Variants in POLR3H observed in about 807,000 individuals in gnomAD.
POLR3H encodes the protein RNA polymerase III subunit H.
Under a neutral mutation model 25.5 loss-of-function variants are expected in POLR3H, and 17 were observed. That is an observed-to-expected ratio of 0.67 (90% CI 0.46 to 1.00). POLR3H has a LOEUF of 1.00. Among genes scored for constraint, POLR3H ranks in the 50% least tolerant of loss-of-function variants. The pLI, the probability that POLR3H is intolerant of heterozygous loss-of-function variation, is 0.00. For missense variants in POLR3H, 274 were observed against 265.0 expected (o/e 1.03, Z -0.24); for synonymous variants, 129 against 103.0 (o/e 1.25, Z -1.53).
At chr22:41,531,011 G>A (rs768205955) in intron 4 of POLR3H, 123 bp from the exon 5 acceptor site, 123 of 920,622 alleles carry the variant, frequency 1.3e-4, no homozygotes, top group Admixed American at 1.9e-4. Context: ...GGAAGTCACA[G>A]GAAAAGCAGG....
chr22:41,540,318 C>A (rs912019064), intron 2 of POLR3H: 11 of 355,742 alleles, frequency 3.1e-5, no homozygotes, highest in Non-Finnish European at 5.5e-5. Flanking sequence ...GCTGAAGAGG[C>A]CTTGAAAACC....
rs1041737152 is a variant in POLR3H, at chr22:41,532,242, G to C, written c.296-85C>G. The C allele has an allele frequency of 2.2e-6, 3 of 1,371,508 alleles. No individual in the cohort carries two copies. In the African/African-American group the frequency reaches 4.3e-5, roughly 20 times the overall value. The allele number at this position is 1,371,508 out of a possible 1,614,324, so 85.0% of individuals were successfully genotyped here. A position where few individuals can be genotyped will look rare whatever the true frequency, so the allele number is the denominator to read the frequency against. ...GCGGGGTCTTATGCTTGACAGGCAA[G>C]CCCTGCCTGGGGCTGCCCACGAGGC... On this transcript the variant is annotated intron_variant, in intron 3 of 5. Coordinates refer to ENST00000355209, the MANE Select transcript of POLR3H (RefSeq NM_001018050.4).
chr22:41,527,264 A>G lies in POLR3H; in HGVS notation c.*2019T>C. The G allele has an allele frequency of 2.5e-6, 4 of 1,613,884 alleles. No homozygotes were observed. The highest frequency in any genetic ancestry group is 1.3e-5 in the African/African-American group (1 of 74,972). ...GGACGGTGCCCTCCTCTGCCTTATA[A>G]CCTTACCCCCGCTTGCCTGACAGAA... is the stretch of plus-strand genomic sequence containing the variant. On this transcript the variant is annotated 3_prime_UTR_variant, in exon 6 of 6. Transcript: ENST00000355209.
chr22:41,526,551 G>T lies in POLR3H; in HGVS notation c.*2732C>A, dbSNP rs1041205876. On this transcript the variant is annotated 3_prime_UTR_variant, in exon 6 of 6. Coordinates refer to ENST00000355209, the MANE Select transcript of POLR3H (RefSeq NM_001018050.4). ...CATTAGGGGAGTGGAAACTGGGAAG[G>T]AGGCCGACCAAGCCCAAAGGGGACT... 1 of 1,387,690 alleles carries T rather than the reference G, an allele frequency of 7.2e-7. No homozygotes were observed. 86.0% of individuals were successfully genotyped at this position (1,387,690 alleles called of 1,614,324 possible). A position where few individuals can be genotyped will look rare whatever the true frequency, so the allele number is the denominator to read the frequency against.
At chr22:41,532,218 C>T (rs2066749632) in intron 3 of POLR3H, 61 bp from the exon 4 acceptor site, 7 of 1,527,264 alleles carry the variant, frequency 4.6e-6, no homozygotes, top group South Asian at 3.4e-5. Flanking sequence ...CCAAACACTG[C>T]GGGGTCTTAT....
Position 41,526,567 on chromosome 22 carries a change from A to T in POLR3H, c.*2716T>A. ...ACTGGGAAGGAGGCCGACCAAGCCC[A>T]AAGGGGACTGCTGTGGAAGGGAGGA... On this transcript the variant is annotated 3_prime_UTR_variant, in exon 6 of 6. Coordinates refer to ENST00000355209, the MANE Select transcript of POLR3H (RefSeq NM_001018050.4). The T allele has an allele frequency of 8.2e-7, 1 of 1,213,652 alleles. No individual in the cohort carries two copies. The highest frequency in any genetic ancestry group is 1.5e-5 in the South Asian group (1 of 65,538). 75.2% of individuals were successfully genotyped at this position (1,213,652 alleles called of 1,614,324 possible).
At position 41,527,270 on chromosome 22, in the gene POLR3H, C is replaced by T. The variant is rs1569025389; in HGVS notation, c.*2013G>A. On this transcript the variant is annotated 3_prime_UTR_variant, in exon 6 of 6. Coordinates refer to ENST00000355209, the MANE Select transcript of POLR3H (RefSeq NM_001018050.4). ...TGCCCTCCTCTGCCTTATAACCTTACCCCCGCTTGCCTGACAGAAACATGG... is the reference window on the plus strand; with the variant it reads ...TGCCCTCCTCTGCCTTATAACCTTATCCCCGCTTGCCTGACAGAAACATGG... 10 of 1,614,130 alleles carry T rather than the reference C, an allele frequency of 6.2e-6. No individual in the cohort carries two copies. Among genetic ancestry groups the T allele is most frequent in the Non-Finnish European group, 7.6e-6 (9 of 1,179,998 alleles).
rs775246114 is a variant in POLR3H, at chr22:41,532,146, A to G, written c.307T>C (p.Phe103Leu). ...SPEGVHVSLG[F>L]FDDILIPPES... ...GGGGGGATGAGAATGTCATCGAAGA[A>G]GCCTAGAGAGACTGGAAGGAAGGAA... Residue 103 changes from phenylalanine to leucine, a missense_variant, in exon 4 of 6, where the codon TTC becomes CTC. Physicochemically the swap from Phe to Leu is conservative, Grantham distance 22. Transcript: ENST00000355209. 8 of 1,614,106 alleles carry G rather than the reference A, an allele frequency of 5.0e-6. No individual in the cohort carries two copies. The highest frequency in any genetic ancestry group is 6.8e-6 in the Non-Finnish European group (8 of 1,179,976).
chr22:41,533,415 G>A (rs2066782537), intron 2 of POLR3H: 1 of 920,938 alleles, frequency 1.1e-6, no homozygotes, highest in East Asian at 7.5e-5. Context: ...CCCCCTGCTG[G>A]TTACCAACAG....
rs934789793 is a variant in POLR3H, at chr22:41,527,635, G to C, written c.*1648C>G. The C allele has an allele frequency of 2.5e-6, 2 of 809,020 alleles. No individual in the cohort carries two copies. Among genetic ancestry groups the C allele is most frequent in the Non-Finnish European group, 3.8e-6 (2 of 527,276 alleles). 50.1% of individuals were successfully genotyped at this position (809,020 alleles called of 1,614,324 possible). A position where few individuals can be genotyped will look rare whatever the true frequency, so the allele number is the denominator to read the frequency against. ...GCCCTGCTTCCAGGCTTGTAGATCT[G>C]AGCCGCTGAGATCTAGGACATGTGC... is the stretch of plus-strand genomic sequence containing the variant. On this transcript the variant is annotated 3_prime_UTR_variant, in exon 6 of 6. Transcript: ENST00000355209.
At chr22:41,535,711 C>T (rs577332295) in intron 2 of POLR3H, among the ~76,000 whole-genome samples, 2 of 152,290 alleles carry the variant, frequency 1.3e-5, no homozygotes, top group South Asian at 2.1e-4. Context: ...CTGTGGCTCA[C>T]GCCTGTAATC....
Position 41,526,527 on chromosome 22 carries a change from A to G in POLR3H, c.*2756T>C. On this transcript the variant is annotated 3_prime_UTR_variant, in exon 6 of 6. Coordinates refer to ENST00000355209, the MANE Select transcript of POLR3H (RefSeq NM_001018050.4). ...CCTGCAAGGCAGGTGCAGGGAGGAC[A>G]TTAGGGGAGTGGAAACTGGGAAGGA... The G allele has an allele frequency of 2.0e-6, 3 of 1,502,544 alleles. No homozygotes were observed. The highest frequency in any genetic ancestry group is 2.7e-6 in the Non-Finnish European group (3 of 1,114,950). 93.1% of individuals were successfully genotyped at this position (1,502,544 alleles called of 1,614,324 possible).
chr22:41,536,114 C>T (rs999429040), intron 2 of POLR3H, among the ~76,000 whole-genome samples: 9 of 148,532 alleles, frequency 6.1e-5, no homozygotes, highest in Non-Finnish European at 1.2e-4. Flanking sequence ...GGAGGTGGGC[C>T]GGGCGCGGTG....
chr22:41,540,376 A>G (rs1263620703), intron 2 of POLR3H: 2 of 390,684 alleles, frequency 5.1e-6, no homozygotes, highest in African/African-American at 2.1e-5. Flanking sequence ...AGAGGCCCAG[A>G]GAAGAGAAGT....
chr22:41,526,235 C>A lies in POLR3H; in HGVS notation c.*3048G>T. 6.2e-7 allele frequency: 1 copy of A among 1,602,980 alleles called. No individual in the cohort carries two copies. The highest frequency in any genetic ancestry group is 8.5e-7 in the Non-Finnish European group (1 of 1,173,592). ...CACCCCTCCAGGGCCATGCCCTGAC[C>A]TCTGTCCTCTCTACTTACCACCCAA... is the stretch of plus-strand genomic sequence containing the variant. On this transcript the variant is annotated 3_prime_UTR_variant, in exon 6 of 6. Coordinates refer to ENST00000355209, the MANE Select transcript of POLR3H (RefSeq NM_001018050.4).
chr22:41,526,794 C>T lies in POLR3H; in HGVS notation c.*2489G>A. Reference sequence around the variant, plus strand: ...TACACGGGGCCTCACAGTGAGCAGGCAGAGAGGGTCTGAGGTGATTGGACT... The same window carrying T: ...TACACGGGGCCTCACAGTGAGCAGGTAGAGAGGGTCTGAGGTGATTGGACT... On this transcript the variant is annotated 3_prime_UTR_variant, in exon 6 of 6. Coordinates refer to ENST00000355209, the MANE Select transcript of POLR3H (RefSeq NM_001018050.4). 1 of 334,968 alleles carries T rather than the reference C, an allele frequency of 3.0e-6. No individual in the cohort carries two copies. The highest frequency in any genetic ancestry group is 5.5e-6 in the Non-Finnish European group (1 of 181,568). The allele number at this position is 334,968 out of a possible 1,614,324, so 20.7% of individuals were successfully genotyped here.
chr22:41,533,695 G>A (rs1034698233), intron 2 of POLR3H: 1 of 1,304,140 alleles, frequency 7.7e-7, no homozygotes, highest in Non-Finnish European at 1.0e-6. Context: ...ACCCTGGGAA[G>A]ACACAAACGT....
intron 2 of POLR3H, 92 bp from the exon 3 acceptor site, chr22:41,532,837 G>A (rs2066767671): frequency 7.2e-7 from 1 of 1,397,346 alleles, no homozygotes; most frequent in African/African-American, 1.4e-5. Flanking sequence ...GGGGGCCTGT[G>A]TGGCTGCTCC....
Position 41,525,803 on chromosome 22 carries a change from T to C in POLR3H, c.*3480A>G, listed in dbSNP as rs528599785. 5.3e-4 allele frequency: 108 copies of C among 205,172 alleles called. No homozygotes were observed. The highest frequency in any genetic ancestry group is 1.9e-3 in the Middle Eastern group (1 of 524). The allele number at this position is 205,172 out of a possible 1,614,324, so 12.7% of individuals were successfully genotyped here. A position where few individuals can be genotyped will look rare whatever the true frequency, so the allele number is the denominator to read the frequency against. On this transcript the variant is annotated 3_prime_UTR_variant, in exon 6 of 6. Coordinates refer to ENST00000355209, the MANE Select transcript of POLR3H (RefSeq NM_001018050.4). ...GGCACCGACCAAAAACAAGCCTTTTTGGTGTGGCCAGAGGCCTCCAATCTG... is the reference window on the plus strand; with the variant it reads ...GGCACCGACCAAAAACAAGCCTTTTCGGTGTGGCCAGAGGCCTCCAATCTG...
Sources: gnomAD v4.1 joint callset for allele counts (sites outside exome capture counted in the v4.1 genomes callset) on GRCh38, gnomAD v4.1.1 for gene constraint, MANE v1.5 for transcripts, NCBI Gene and HGNC (gene_info 2026-07-23, HGNC 2026-07-21) for gene names.